Variants in MRPL20 observed in about 807,000 individuals in gnomAD.
The protein encoded by MRPL20 is mitochondrial ribosomal protein L20.
A neutral mutation model predicts 20.0 loss-of-function variants in MRPL20; 21 were observed. The observed-to-expected ratio is 1.05, with a 90% CI of 0.74 to 1.51. The LOEUF (loss-of-function observed/expected upper bound fraction) is 1.51. MRPL20 is among the 40% of genes most tolerant of loss of function. The pLI is 0.00. For synonymous variants in MRPL20, 104 were observed against 73.0 expected, an observed-to-expected ratio of 1.43 and a Z score of -2.17; for missense variants, 252 against 185.6, an observed-to-expected ratio of 1.36 and a Z score of -2.08.
intron 3 of MRPL20, chr1:1,405,544 G>A (rs1326110463): frequency 7.8e-6 from 5 of 636,964 alleles, no homozygotes; most frequent in Non-Finnish European, 1.4e-5. Context: ...TGGGAATTGT[G>A]ACCTGCTCCG....
chr1:1,404,807 C>T (rs1452844474), intron 3 of MRPL20, among the ~76,000 whole-genome samples: 1 of 152,092 alleles, frequency 6.6e-6, no homozygotes, highest in Non-Finnish European at 1.5e-5. Context: ...AACATCAGGA[C>T]TTACATCCCA....
rs2100390534 is a variant in MRPL20, at chr1:1,402,002, G to T, written c.*81C>A. 1 of 1,462,166 alleles carries T rather than the reference G, an allele frequency of 6.8e-7. No individual in the cohort carries two copies. The highest frequency in any genetic ancestry group is 9.3e-7 in the Non-Finnish European group (1 of 1,075,938). 90.6% of individuals were successfully genotyped at this position (1,462,166 alleles called of 1,614,324 possible). A position where few individuals can be genotyped will look rare whatever the true frequency, so the allele number is the denominator to read the frequency against. On this transcript the variant is annotated 3_prime_UTR_variant, in exon 4 of 4. Transcript: ENST00000344843. The stretch of plus-strand genomic sequence containing the variant: ...AGGGCCATCCCTCATGTCTGTTATT[G>T]GGTTGTAGATAAACAAAAGTATAAA...
intron 2 of MRPL20, 147 bp downstream of exon 2, chr1:1,406,762 G>A (rs1366980966): frequency 1.4e-6 from 1 of 718,298 alleles, no homozygotes; most frequent in Non-Finnish European, 2.5e-6. Flanking sequence ...TTGCCTGCGG[G>A]GCGACATAAT....
chr1:1,407,069 C>T (rs373962319), intron 1 of MRPL20, 50 bp from the exon 2 acceptor site: 9 of 1,608,942 alleles, frequency 5.6e-6, no homozygotes, highest in Non-Finnish European at 7.7e-6. Flanking sequence ...CCGCGCCGGC[C>T]GCCCCTTGGC....
chr1:1,405,881 C>G lies in MRPL20; in HGVS notation c.204G>C (p.Trp68Cys), dbSNP rs772287553. The change falls in exon 3 of 4, where the codon TGG becomes TGC. Residue 68 changes from tryptophan (W) to cysteine (C), a missense_variant. By Grantham distance (215) the Trp-to-Cys change is radical (BLOSUM62 -2). Transcript: ENST00000344843. ...YLKKKNMRTL[W>C]INRITAASQE... is the part of the protein sequence containing the mutation. ...GGCTAGCAGCTGTAATTCGATTAAT[C>G]CAGAGCTGAAATAAGAAAACATGAA... 2 of 1,608,920 alleles carry G rather than the reference C, an allele frequency of 1.2e-6. No homozygotes were observed. The highest frequency in any genetic ancestry group is 2.7e-5 in the African/African-American group (2 of 74,758).
intron 2 of MRPL20, chr1:1,406,382 T>C: frequency 5.6e-6 from 1 of 180,068 alleles, no homozygotes; most frequent in Non-Finnish European, 1.2e-5. Context: ...GTACGTTAGA[T>C]GCTAGGTTCA....
At chr1:1,403,938 T>C (rs959874678) in intron 3 of MRPL20, among the ~76,000 whole-genome samples, 20 of 152,312 alleles carry the variant, frequency 1.3e-4, no homozygotes, top group African/African-American at 4.8e-4. Flanking sequence ...GCCTTCTGGA[T>C]TCAAGCCAAT....
At chr1:1,404,902 A>G (rs1645368644) in intron 3 of MRPL20, among the ~76,000 whole-genome samples, 1 of 152,132 alleles carries the variant, frequency 6.6e-6, no homozygotes, top group Admixed American at 6.5e-5. Context: ...ACACCAAGAC[A>G]GAGTGCAGCT....
Position 1,401,922 on chromosome 1 carries a change from A to C in MRPL20, c.*161T>G. ...GACTCTAAAAACTGAAGAGTGTTTGAGTTTCATTCACACAAAACATGGACA... is the reference window on the plus strand; with the variant it reads ...GACTCTAAAAACTGAAGAGTGTTTGCGTTTCATTCACACAAAACATGGACA... On this transcript the variant is annotated 3_prime_UTR_variant, in exon 4 of 4. Coordinates refer to ENST00000344843, the MANE Select transcript of MRPL20 (RefSeq NM_017971.4). 3.6e-6 allele frequency: 3 copies of C among 827,004 alleles called. No individual in the cohort carries two copies. The highest frequency in any genetic ancestry group is 5.6e-6 in the Non-Finnish European group (3 of 537,392). 51.2% of individuals were successfully genotyped at this position (827,004 alleles called of 1,614,324 possible).
Position 1,406,203 on chromosome 1 carries a change from A to G in MRPL20, c.199-317T>C, listed in dbSNP as rs548412075. 15 of 271,818 alleles carry G rather than the reference A, an allele frequency of 5.5e-5. No homozygotes were observed. The East Asian group carries it at 1.3e-3, about 24-fold the overall frequency. 16.8% of individuals were successfully genotyped at this position (271,818 alleles called of 1,614,324 possible). On this transcript the variant is annotated intron_variant, in intron 2 of 3. Transcript: ENST00000344843. ...GAACCCGGTCTCTACTAAAAATACA[A>G]AAAATAGCTTGGTGGCGCACACCTG...
rs1557749288 is a variant in MRPL20, at chr1:1,402,239, G to A, written c.294C>T (p.Asn98=). ...GNLVKCQVEL[N]RKVLADLAIY... The stretch of plus-strand genomic sequence containing the variant: ...TGGCCAGATCCGCTAGGACTTTCCT[G>A]TTGAGCTCCACCTGGCACTGAAAAA... Residue 98 remains asparagine, a synonymous_variant, in exon 4 of 4, where the codon AAC becomes AAT. Transcript: ENST00000344843. The A allele has an allele frequency of 6.2e-7, 1 of 1,612,124 alleles. No homozygotes were observed. Among genetic ancestry groups the A allele is most frequent in the East Asian group, 2.2e-5 (1 of 44,850 alleles).
chr1:1,405,660 T>C lies in MRPL20; in HGVS notation c.276+149A>G, dbSNP rs770513876. 1.9e-5 allele frequency: 27 copies of C among 1,397,292 alleles called. No individual in the cohort carries two copies. The Admixed American group carries it at 4.0e-4, about 21-fold the overall frequency. 86.6% of individuals were successfully genotyped at this position (1,397,292 alleles called of 1,614,324 possible). A position where few individuals can be genotyped will look rare whatever the true frequency, so the allele number is the denominator to read the frequency against. ...ACTTAACATGGACACCCCATCAGCA[T>C]AGCAAACTACAGCCCAGAAGTCAGT... is the stretch of plus-strand genomic sequence containing the variant. On this transcript the variant is annotated intron_variant, in intron 3 of 3. Coordinates refer to ENST00000344843, the MANE Select transcript of MRPL20 (RefSeq NM_017971.4).
In MRPL20 at chr1:1,406,937, C is replaced by G. The variant is rs746840008; in HGVS notation, c.170G>C (p.Arg57Pro). 4 of 1,613,578 alleles carry G rather than the reference C, an allele frequency of 2.5e-6. No individual in the cohort carries two copies. The East Asian group carries it at 6.7e-5, about 27-fold the overall frequency. The change falls in exon 2 of 4, where the codon CGA becomes CCA. Residue 57 changes from arginine (R) to proline (P), a missense_variant. By Grantham distance (103) the Arg-to-Pro change is moderately radical (BLOSUM62 -2). Transcript: ENST00000344843. ...IRAFVKCTKA[R>P]YLKKKNMRTL... is the part of the protein sequence containing the mutation. ...CCTCATGTTCTTTTTCTTCAGGTAT[C>G]GGGCTTTGGTGCATTTCACAAAGGC... is the stretch of plus-strand genomic sequence containing the variant.
chr1:1,402,219 A>T lies in MRPL20; in HGVS notation c.314T>A (p.Leu105Gln). 6.2e-7 allele frequency: 1 copy of T among 1,613,784 alleles called. No individual in the cohort carries two copies. Among genetic ancestry groups the T allele is most frequent in the South Asian group, 1.1e-5 (1 of 91,038 alleles). ...VELNRKVLAD[L>Q]AIYEPKTFKS... is the part of the protein sequence containing the mutation. ...GAAAGTCTTTGGCTCGTAGATGGCC[A>T]GATCCGCTAGGACTTTCCTGTTGAG... Residue 105 changes from leucine (L) to glutamine (Q), a missense_variant, in exon 4 of 4, where the codon CTG becomes CAG. Leu to Gln is a moderately radical substitution (Grantham distance 113, BLOSUM62 -2). Transcript: ENST00000344843.
At chr1:1,405,531 A>G (rs1645375179) in intron 3 of MRPL20, 1 of 625,362 alleles carries the variant, frequency 1.6e-6, no homozygotes, top group African/African-American at 1.8e-5. Flanking sequence ...TCACTCATCA[A>G]CATGGGAATT....
At chr1:1,405,935 T>C (rs753398565) in intron 2 of MRPL20, 49 bp from the exon 3 acceptor site, 13 of 1,582,904 alleles carry the variant, frequency 8.2e-6, no homozygotes, top group South Asian at 1.2e-5. Flanking sequence ...CTGGATGTTA[T>C]GTCCCAGCAA....
chr1:1,403,966 C>G (rs1054557894), intron 3 of MRPL20, among the ~76,000 whole-genome samples: 1 of 152,112 alleles, frequency 6.6e-6, no homozygotes, highest in Non-Finnish European at 1.5e-5. Flanking sequence ...CTCAGCCTCC[C>G]GAGTAGCATA....
chr1:1,405,476 A>G (rs1324869375), intron 3 of MRPL20: 4 of 599,790 alleles, frequency 6.7e-6, no homozygotes, highest in Middle Eastern at 8.8e-4. Flanking sequence ...TGGTCTCACT[A>G]TGTTGCCCAG....
intron 2 of MRPL20, 144 bp from the exon 3 acceptor site, chr1:1,406,030 G>A: frequency 8.4e-7 from 1 of 1,195,024 alleles, no homozygotes. Flanking sequence ...TCTGGCCTAA[G>A]CGAAATCAAG....
Sources: allele counts gnomAD v4.1 joint callset (sites outside exome capture counted in the v4.1 genomes callset), GRCh38; gene constraint gnomAD v4.1.1; transcripts MANE v1.5; gene names NCBI Gene and HGNC (gene_info 2026-07-23, HGNC 2026-07-21).